Variants in CFAP90 observed in about 807,000 individuals in gnomAD.
CFAP90 encodes cilia and flagella associated protein 90, also known as cilia- and flagella-associated protein 90.
the CFAP90 span, chr5:7,830,952 T>C: frequency 6.6e-6 from 1 of 152,218 alleles, no homozygotes; most frequent in African/African-American, 2.4e-5. Flanking sequence ...ATTGCTGTGA[T>C]GACGGGGCAC....
chr5:7,847,626 C>T, the CFAP90 span, among the ~76,000 whole-genome samples: 1 of 152,268 alleles, frequency 6.6e-6, no homozygotes. Context: ...CAGATTTGGC[C>T]AAGGAGCCTT....
the CFAP90 span, among the ~76,000 whole-genome samples, chr5:7,844,331 A>G: frequency 2.0e-5 from 3 of 152,160 alleles, no homozygotes; most frequent in Admixed American, 1.3e-4. Context: ...TCCAAACCGA[A>G]ACCCCCAAGT....
At chr5:7,843,089 G>A in the CFAP90 span, among the ~76,000 whole-genome samples, 958 of 152,224 alleles carry the variant, frequency 6.3e-3, 5 homozygotes, top group Non-Finnish European at 0.01. Flanking sequence ...GAGGCTTTCC[G>A]TGAGTTTGCT....
At chr5:7,832,134 C>T in the CFAP90 span, 7 of 1,163,164 alleles carry the variant, frequency 6.0e-6, no homozygotes, top group East Asian at 9.5e-5. Flanking sequence ...CTGCCTGGGT[C>T]CCACCATGGT....
At chr5:7,840,593 G>A in the CFAP90 span, among the ~76,000 whole-genome samples, 40 of 152,282 alleles carry the variant, frequency 2.6e-4, no homozygotes, top group East Asian at 7.5e-3. Flanking sequence ...GTGACTGAAG[G>A]TGAGATGGGA....
At chr5:7,840,644 A>G in the CFAP90 span, among the ~76,000 whole-genome samples, 1 of 152,124 alleles carries the variant, frequency 6.6e-6, no homozygotes, top group African/African-American at 2.4e-5. Flanking sequence ...CTGCCGAACA[A>G]CCTCACTGGA....
chr5:7,850,980 C>T, the CFAP90 span: 3 of 1,305,566 alleles, frequency 2.3e-6, no homozygotes, highest in Non-Finnish European at 1.9e-6. Flanking sequence ...TGGGCTTGCC[C>T]CGCAGCGTGG....
At chr5:7,835,533 A>T in the CFAP90 span, 1 of 1,304,296 alleles carries the variant, frequency 7.7e-7, no homozygotes, top group Non-Finnish European at 1.1e-6. Context: ...CCATGGGTTA[A>T]TTTGAAGGCT....
the CFAP90 span, among the ~76,000 whole-genome samples, chr5:7,837,521 T>C: frequency 2.6e-5 from 4 of 152,192 alleles, no homozygotes; most frequent in Non-Finnish European, 5.9e-5. Flanking sequence ...TGCAAGACTT[T>C]ATACAGTATG....
At chr5:7,846,668 C>G in the CFAP90 span, among the ~76,000 whole-genome samples, 1 of 152,286 alleles carries the variant, frequency 6.6e-6, no homozygotes, top group South Asian at 2.1e-4. Context: ...ATATTCAGAC[C>G]ATAGCATTGG....
chr5:7,837,052 G>A, the CFAP90 span, among the ~76,000 whole-genome samples: 2 of 151,988 alleles, frequency 1.3e-5, no homozygotes, highest in African/African-American at 4.8e-5. Context: ...AATCATAGGT[G>A]ATAAGTGTAA....
At chr5:7,830,607 A>T in the CFAP90 span, 1 of 152,246 alleles carries the variant, frequency 6.6e-6, no homozygotes, top group African/African-American at 2.4e-5. Flanking sequence ...TTTCAAAAAA[A>T]TAAAGAAATA....
chr5:7,833,925 G>A, the CFAP90 span, among the ~76,000 whole-genome samples: 6 of 152,184 alleles, frequency 3.9e-5, no homozygotes, highest in Non-Finnish European at 5.9e-5. Flanking sequence ...TAAACCTACT[G>A]TGCGGCCAGT....
the CFAP90 span, among the ~76,000 whole-genome samples, chr5:7,843,593 T>G: frequency 1.3e-5 from 2 of 152,132 alleles, no homozygotes; most frequent in Non-Finnish European, 2.9e-5. Flanking sequence ...GGAAACTTGG[T>G]GATTGTGGAG....
the CFAP90 span, among the ~76,000 whole-genome samples, chr5:7,843,104 C>T: frequency 6.6e-6 from 1 of 152,122 alleles, no homozygotes; most frequent in Admixed American, 6.5e-5. Context: ...TTTGCTTGTC[C>T]AGGGATAAAC....
At chr5:7,837,755 T>C in the CFAP90 span, among the ~76,000 whole-genome samples, 1 of 152,216 alleles carries the variant, frequency 6.6e-6, no homozygotes, top group East Asian at 1.9e-4. Context: ...GGAAACAACA[T>C]GGTCTTTAAG....
the CFAP90 span, among the ~76,000 whole-genome samples, chr5:7,845,983 G>T: frequency 7.7e-6 from 1 of 130,308 alleles, no homozygotes; most frequent in African/African-American, 2.8e-5. Context: ...GAGGGTCAGG[G>T]ATATGAGGTT....
At chr5:7,838,223 A>G in the CFAP90 span, among the ~76,000 whole-genome samples, 1 of 152,356 alleles carries the variant, frequency 6.6e-6, no homozygotes, top group East Asian at 1.9e-4. Context: ...AAGAAAACCC[A>G]TTAGAAAACT....
chr5:7,832,077 G>A, the CFAP90 span: 2 of 1,565,128 alleles, frequency 1.3e-6, no homozygotes, highest in Admixed American at 3.4e-5. Context: ...GCATTCGCCA[G>A]CACAGCTCAC....
Sources: allele counts gnomAD v4.1 joint callset (sites outside exome capture counted in the v4.1 genomes callset), GRCh38; gene constraint gnomAD v4.1.1; transcripts MANE v1.5; gene names NCBI Gene and HGNC (gene_info 2026-07-23, HGNC 2026-07-21).